The following RYR2 variants were observed in gnomAD, a reference collection of about 807,000 sequenced individuals.
RYR2 encodes the protein ryanodine receptor 2.
RYR2 carries 227 observed loss-of-function variants against 601.1 expected under a neutral mutation model. That is an observed-to-expected ratio of 0.38 (90% CI 0.34 to 0.42). The LOEUF (loss-of-function observed/expected upper bound fraction) is 0.42, where lower values mean the gene tolerates loss of function less well. Among genes scored for constraint, RYR2 ranks in the 10% least tolerant of loss-of-function variants. RYR2 has a pLI of 1.00. For synonymous variants in RYR2, 2,223 were observed against 2,175.1 expected (o/e 1.02, Z -0.61); for missense variants, 4,646 against 6,156.5 (o/e 0.75, Z 8.21).
At chr1:237,258,818 C>T (rs1284100849) in intron 1 of RYR2, among the ~76,000 whole-genome samples, 1 of 152,130 alleles carries the variant, frequency 6.6e-6, no homozygotes, top group East Asian at 1.9e-4. Context: ...AGTATACCTG[C>T]TCAGCACTGA....
intron 1 of RYR2, among the ~76,000 whole-genome samples, chr1:237,182,242 C>T (rs546904287): frequency 9.1e-4 from 138 of 152,228 alleles, no homozygotes; most frequent in African/African-American, 3.2e-3. Flanking sequence ...CTTCCTCAGC[C>T]TCCTGAGTAG....
At chr1:237,626,051 G>A (rs1679613114) in intron 40 of RYR2, among the ~76,000 whole-genome samples, 1 of 152,046 alleles carries the variant, frequency 6.6e-6, no homozygotes, top group Non-Finnish European at 1.5e-5. Context: ...TAGAAATTTA[G>A]GTATTTTATC....
intron 1 of RYR2, among the ~76,000 whole-genome samples, chr1:237,227,209 T>G (rs1254987597): frequency 3.3e-5 from 5 of 152,112 alleles, no homozygotes; most frequent in African/African-American, 1.2e-4. Context: ...TATTATATAC[T>G]TAAAAATTGC....
chr1:237,632,731 A>G (rs866311455), intron 42 of RYR2, among the ~76,000 whole-genome samples: 2 of 150,970 alleles, frequency 1.3e-5, no homozygotes, highest in Non-Finnish European at 2.9e-5. Flanking sequence ...ACTTAATGGT[A>G]TCAAAAACCA....
chr1:237,716,048 C>A (rs1262538450), intron 71 of RYR2, among the ~76,000 whole-genome samples: 3 of 151,978 alleles, frequency 2.0e-5, no homozygotes, highest in African/African-American at 7.2e-5. Flanking sequence ...CTTTTTGGAA[C>A]AGAAGTATAA....
chr1:237,216,743 AC>A (rs1683203966), intron 1 of RYR2, among the ~76,000 whole-genome samples: 1 of 134,726 alleles, frequency 7.4e-6, no homozygotes. Flanking sequence ...TTCTTAAAAC[AC>A]CCCCCACCAA....
At chr1:237,326,037 T>C (rs936282866) in intron 2 of RYR2, among the ~76,000 whole-genome samples, 2 of 152,190 alleles carry the variant, frequency 1.3e-5, no homozygotes, top group African/African-American at 4.8e-5. Context: ...TTATTGGTTG[T>C]TATTCAGTTA....
rs373601737 is a variant in RYR2 at position 237,718,564 on chromosome 1, A to G, written c.10554+43A>G. 2.7e-3 allele frequency: 2,704 copies of G among 1,001,448 alleles called. 3 individuals carry two copies. Among genetic ancestry groups the G allele is most frequent in the Non-Finnish European group, 3.2e-3 (2,037 of 631,512 alleles). The allele number at this position is 1,001,448 out of a possible 1,614,324, so 62.0% of individuals were successfully genotyped here. ...CTTAAGCCACATTTACTACCTATAC[A>G]TTAGTTAATCTCTCTTTAAAATAAT... is the stretch of plus-strand genomic sequence containing the variant. On this transcript the variant is annotated intron_variant, in intron 73 of 104. Coordinates refer to ENST00000366574, the MANE Select transcript of RYR2 (RefSeq NM_001035.3).
intron 4 of RYR2, among the ~76,000 whole-genome samples, chr1:237,360,067 T>A (rs529480717): frequency 3.3e-4 from 50 of 152,346 alleles, no homozygotes; most frequent in African/African-American, 1.1e-3. Flanking sequence ...TCATTTCAAA[T>A]GTTTCTACCT....
intron 2 of RYR2, among the ~76,000 whole-genome samples, chr1:237,295,304 G>A (rs1457499911): frequency 6.6e-6 from 1 of 152,044 alleles, no homozygotes; most frequent in Non-Finnish European, 1.5e-5. Context: ...AGGAAAGTCA[G>A]AAGGAGGAAG....
At chr1:237,576,136 T>C (rs939787298) in intron 29 of RYR2, among the ~76,000 whole-genome samples, 3 of 152,214 alleles carry the variant, frequency 2.0e-5, no homozygotes, top group African/African-American at 7.2e-5. Flanking sequence ...AGGTGTGTTA[T>C]GTTCATGGAG....
At chr1:237,430,800 C>T (rs925076925) in intron 12 of RYR2, among the ~76,000 whole-genome samples, 1 of 152,112 alleles carries the variant, frequency 6.6e-6, no homozygotes, top group African/African-American at 2.4e-5. Flanking sequence ...AGAGATTGCC[C>T]AAAGCAATAG....
At chr1:237,381,384 A>G (rs1381695737) in intron 8 of RYR2, among the ~76,000 whole-genome samples, 1 of 152,188 alleles carries the variant, frequency 6.6e-6, no homozygotes, top group Non-Finnish European at 1.5e-5. Flanking sequence ...ATCATGTGAA[A>G]GCAAGGTTCA....
chr1:237,454,847 T>C (rs1658614805), intron 15 of RYR2, among the ~76,000 whole-genome samples: 1 of 152,194 alleles, frequency 6.6e-6, no homozygotes, highest in Admixed American at 6.6e-5. Context: ...CCTGGTCTTT[T>C]GCAAGCACTA....
chr1:237,797,259 TAAGC>T (rs1450074306), intron 96 of RYR2, among the ~76,000 whole-genome samples: 1 of 151,864 alleles, frequency 6.6e-6, no homozygotes, highest in Non-Finnish European at 1.5e-5. Context: ...AGAAGAGAAA[TAAGC>T]AAGGAAGCTG....
At chr1:237,675,260 C>A (rs1190386382) in intron 60 of RYR2, among the ~76,000 whole-genome samples, 1 of 152,124 alleles carries the variant, frequency 6.6e-6, no homozygotes, top group Admixed American at 6.5e-5. Context: ...TGCAGGGAAA[C>A]ACGTTAATAC....
intron 1 of RYR2, among the ~76,000 whole-genome samples, chr1:237,118,383 G>A (rs759989728): frequency 6.6e-5 from 10 of 151,386 alleles, no homozygotes; most frequent in Non-Finnish European, 1.0e-4. Flanking sequence ...AGCAACTGCC[G>A]TTTTCATCAT....
intron 26 of RYR2, among the ~76,000 whole-genome samples, chr1:237,549,078 A>G (rs1414603582): frequency 6.6e-6 from 1 of 152,212 alleles, no homozygotes; most frequent in African/African-American, 2.4e-5. Flanking sequence ...TTCATTCCGC[A>G]CAAGGGAGGC....
intron 1 of RYR2, among the ~76,000 whole-genome samples, chr1:237,201,903 A>T (rs1209457381): frequency 6.6e-6 from 1 of 152,184 alleles, no homozygotes; most frequent in Non-Finnish European, 1.5e-5. Context: ...TTATTTTATC[A>T]TATCTACTGA....
Sources: allele counts gnomAD v4.1 joint callset (sites outside exome capture counted in the v4.1 genomes callset), GRCh38; gene constraint gnomAD v4.1.1; transcripts MANE v1.5; gene names NCBI Gene and HGNC (gene_info 2026-07-23, HGNC 2026-07-21).